The following UFSP2 variants were observed in gnomAD, a reference collection of about 807,000 sequenced individuals.
The protein encoded by UFSP2 is ufm1-specific protease 2.
UFSP2 carries 43 observed loss-of-function variants against 60.2 expected under a neutral mutation model. The ratio of observed to expected loss-of-function variants is 0.71; its 90% CI spans 0.56 to 0.92. UFSP2 has a LOEUF of 0.92. UFSP2 is among the 40% of genes least tolerant of loss of function. The pLI is 0.00. For synonymous variants in UFSP2, 183 were observed against 195.1 expected, an observed-to-expected ratio of 0.94 and a Z score of 0.52; for missense variants, 520 against 575.0, an observed-to-expected ratio of 0.90 and a Z score of 0.98.
At chr4:185,411,450 T>C (rs1580061330) in intron 7 of UFSP2, among the ~76,000 whole-genome samples, 2 of 151,952 alleles carry the variant, frequency 1.3e-5, no homozygotes, top group East Asian at 3.9e-4. Context: ...ATAAGAACAG[T>C]ATGAGAGAAG....
intron 7 of UFSP2, among the ~76,000 whole-genome samples, chr4:185,412,474 C>T (rs752048416): frequency 2.6e-5 from 4 of 152,038 alleles, no homozygotes; most frequent in Admixed American, 1.3e-4. Flanking sequence ...AAGTCCTGGA[C>T]GCTCAGAAGG....
In UFSP2 at chr4:185,415,849, C is replaced by T. The variant is rs754788767; in HGVS notation, c.352G>A (p.Asp118Asn). Reference protein sequence around the residue: ...LSDMHQIVNIDLMLEMSTSLA... With the variant: ...LSDMHQIVNINLMLEMSTSLA... ...GAGGTTGACATTTCCAGCATAAGAT[C>T]TATATTTACTATTTGATGCTATATA... Residue 118 changes from aspartate to asparagine, a missense_variant, in exon 5 of 12, where the codon GAT becomes AAT. Coordinates refer to ENST00000264689, the MANE Select transcript of UFSP2 (RefSeq NM_018359.5). 6.2e-7 allele frequency: 1 copy of T among 1,613,064 alleles called. No homozygotes were observed. Among genetic ancestry groups the T allele is most frequent in the Non-Finnish European group, 8.5e-7 (1 of 1,179,370 alleles).
chr4:185,403,977 AC>A (rs371946219), intron 10 of UFSP2, among the ~76,000 whole-genome samples: 8,210 of 142,208 alleles, frequency 0.058, 1,063 homozygotes, highest in African/African-American at 0.14. Context: ...AAAAAAAAAA[AC>A]AAAAAAAAAC....
chr4:185,422,363 T>G (rs899691564), intron 2 of UFSP2, 122 bp downstream of exon 2: 2 of 753,724 alleles, frequency 2.7e-6, no homozygotes, highest in Non-Finnish European at 4.4e-6. Context: ...TTTAATGTAC[T>G]TACTAACAAT....
chr4:185,402,390 A>G (rs1328724354), intron 11 of UFSP2: 1 of 445,362 alleles, frequency 2.2e-6, no homozygotes, highest in Admixed American at 2.5e-5. Context: ...CTGTAACAAC[A>G]CATTTCTATC....
intron 4 of UFSP2, among the ~76,000 whole-genome samples, 177 bp downstream of exon 4, chr4:185,418,264 A>G (rs2095542797): frequency 6.6e-6 from 1 of 152,206 alleles, no homozygotes; most frequent in Non-Finnish European, 1.5e-5. Flanking sequence ...TATTATAATC[A>G]GACAAAAACT....
chr4:185,413,973 G>C (rs1447388807), intron 6 of UFSP2, 101 bp from the exon 7 acceptor site: 1 of 1,069,220 alleles, frequency 9.4e-7, no homozygotes, highest in Non-Finnish European at 1.3e-6. Flanking sequence ...TTATATATAG[G>C]TTATAAAAGT....
chr4:185,406,058 C>CA, intron 9 of UFSP2: 1 of 1,130,290 alleles, frequency 8.8e-7, no homozygotes, highest in Non-Finnish European at 1.2e-6. Context: ...TACTTAAGGC[C>CA]ACCAAGTGTG....
intron 8 of UFSP2, 49 bp downstream of exon 8, chr4:185,408,222 G>GT: frequency 1.3e-6 from 2 of 1,587,856 alleles, no homozygotes; most frequent in Non-Finnish European, 1.7e-6. Context: ...TATATTAAGG[G>GT]CTAATGAAAC....
intron 4 of UFSP2, among the ~76,000 whole-genome samples, chr4:185,417,943 C>T (rs931059839): frequency 6.6e-6 from 1 of 151,630 alleles, no homozygotes; most frequent in Non-Finnish European, 1.5e-5. Context: ...ACTCAGGAGG[C>T]CGAGGCAGGA....
rs766997102 is a variant in UFSP2 at position 185,408,112 on chromosome 4, A to C, written c.997-52T>G. 11 of 1,593,740 alleles carry C rather than the reference A, an allele frequency of 6.9e-6. No homozygotes were observed. The African/African-American group carries it at 1.3e-4, about 20-fold the overall frequency. ...TCCATACACAAGACAGCTATTAAAA[A>C]CGATGTTTAGGGCATTTTCCCTGAT... On this transcript the variant is annotated intron_variant, in intron 8 of 11. Coordinates refer to ENST00000264689, the MANE Select transcript of UFSP2 (RefSeq NM_018359.5).
intron 5 of UFSP2, 48 bp from the exon 6 acceptor site, chr4:185,415,395 C>T: frequency 6.9e-7 from 1 of 1,449,136 alleles, no homozygotes; most frequent in Non-Finnish European, 9.2e-7. Flanking sequence ...ATAGTGACTA[C>T]AATAAAGAAA....
chr4:185,418,826 G>A (rs1349725571), intron 2 of UFSP2, 56 bp from the exon 3 acceptor site: 1 of 1,359,830 alleles, frequency 7.4e-7, no homozygotes, highest in African/African-American at 1.5e-5. Context: ...CAACATGAAT[G>A]GTTCCAAACA....
At chr4:185,418,069 A>ACACAC (rs1422329406) in intron 4 of UFSP2, among the ~76,000 whole-genome samples, 8 of 22,782 alleles carry the variant, frequency 3.5e-4, no homozygotes. Context: ...CACACACACA[A>ACACAC]ACAACAGAAC....
At chr4:185,413,669 A>T in intron 7 of UFSP2, 57 bp downstream of exon 7, 1 of 1,516,690 alleles carries the variant, frequency 6.6e-7, no homozygotes, top group East Asian at 2.3e-5. Context: ...TACCAACAAA[A>T]AACAACTAAT....
chr4:185,409,470 G>GCA (rs898390876), intron 7 of UFSP2, among the ~76,000 whole-genome samples: 8 of 151,964 alleles, frequency 5.3e-5, no homozygotes, highest in Admixed American at 3.3e-4. Context: ...GATTACAGTT[G>GCA]CACACCACCA....
intron 10 of UFSP2, among the ~76,000 whole-genome samples, chr4:185,403,989 A>AC (rs1294830135): frequency 6.8e-6 from 1 of 147,008 alleles, no homozygotes; most frequent in African/African-American, 2.5e-5. Flanking sequence ...AAAAAAAAAC[A>AC]ACATTACTTT....
chr4:185,424,241 T>C (rs2095554958), intron 1 of UFSP2, among the ~76,000 whole-genome samples: 1 of 151,900 alleles, frequency 6.6e-6, no homozygotes, highest in African/African-American at 2.4e-5. Flanking sequence ...GGGAGGTCAA[T>C]GCTACAGTGA....
At chr4:185,422,793 G>A (rs2095551859) in intron 1 of UFSP2, among the ~76,000 whole-genome samples, 1 of 152,194 alleles carries the variant, frequency 6.6e-6, no homozygotes, top group African/African-American at 2.4e-5. Context: ...TGGGGAGCTT[G>A]AAATACTGAG....
Sources: allele counts gnomAD v4.1 joint callset (sites outside exome capture counted in the v4.1 genomes callset), GRCh38; gene constraint gnomAD v4.1.1; transcripts MANE v1.5; gene names NCBI Gene and HGNC (gene_info 2026-07-23, HGNC 2026-07-21).